The following STX8 variants were observed in gnomAD, a reference collection of about 807,000 sequenced individuals.
STX8 encodes syntaxin 8, also known as syntaxin-8.
Under a neutral mutation model 37.5 loss-of-function variants are expected in STX8, and 23 were observed. That is an observed-to-expected ratio of 0.61 (90% confidence interval 0.44 to 0.87). STX8 has a LOEUF of 0.87. Among genes scored for constraint, STX8 ranks in the 40% least tolerant of loss-of-function variants. The probability of loss-of-function intolerance (pLI) is 0.00; values close to 1 mark genes in which losing one functional copy is unlikely to be tolerated. For synonymous variants in STX8, 115 were observed against 99.1 expected (o/e 1.16, Z -0.95); for missense variants, 313 against 284.7 (o/e 1.10, Z -0.71).
intron 6 of STX8, among the ~76,000 whole-genome samples, chr17:9,395,834 C>G (rs1912381470): frequency 6.6e-6 from 1 of 152,110 alleles, no homozygotes; most frequent in African/African-American, 2.4e-5. Context: ...ATTGTATAGC[C>G]AGACACAATT....
intron 7 of STX8, among the ~76,000 whole-genome samples, chr17:9,250,853 C>A (rs928227020): frequency 2.0e-5 from 3 of 151,758 alleles, no homozygotes; most frequent in African/African-American, 7.3e-5. Context: ...AAGGCAGGGG[C>A]CTGGGTGTGG....
At chr17:9,306,595 C>CAAA (rs71135963) in intron 7 of STX8, among the ~76,000 whole-genome samples, 7 of 69,890 alleles carry the variant, frequency 1.0e-4, no homozygotes, top group African/African-American at 1.4e-4. Flanking sequence ...ACTAAAAATA[C>CAAA]AAAAAAAAAA....
At chr17:9,475,820 C>T (rs1422245176) in intron 6 of STX8, among the ~76,000 whole-genome samples, 1 of 152,174 alleles carries the variant, frequency 6.6e-6, no homozygotes, top group Non-Finnish European at 1.5e-5. Flanking sequence ...CATATCTTGC[C>T]CATTTACACA....
chr17:9,564,500 C>T (rs889570443), intron 2 of STX8, among the ~76,000 whole-genome samples: 19 of 152,174 alleles, frequency 1.2e-4, no homozygotes, highest in Non-Finnish European at 1.8e-4. Context: ...TTATAAACAA[C>T]TTCAGCAAAG....
At chr17:9,466,780 A>G (rs1301023443) in intron 6 of STX8, among the ~76,000 whole-genome samples, 1 of 152,154 alleles carries the variant, frequency 6.6e-6, no homozygotes, top group Non-Finnish European at 1.5e-5. Flanking sequence ...GGGAATCTCA[A>G]TTCAACCAAC....
At chr17:9,375,627 T>C (rs757518779) in intron 7 of STX8, among the ~76,000 whole-genome samples, 1 of 152,192 alleles carries the variant, frequency 6.6e-6, no homozygotes, top group Non-Finnish European at 1.5e-5. Flanking sequence ...CCGCACACAA[T>C]GTACCAAAGA....
chr17:9,334,428 A>G (rs1964310), intron 7 of STX8, among the ~76,000 whole-genome samples: 9,354 of 152,202 alleles, frequency 0.061, 353 homozygotes, highest in Middle Eastern at 0.11. Flanking sequence ...CTATAAACTA[A>G]GTTTCTCCCA....
intron 7 of STX8, among the ~76,000 whole-genome samples, chr17:9,317,918 A>G (rs111960081): frequency 0.081 from 12,295 of 152,056 alleles, 1,587 homozygotes; most frequent in African/African-American, 0.27. Context: ...TGGGGCAGGG[A>G]GTTTCCCCAG....
chr17:9,482,750 C>A (rs988545614), intron 6 of STX8, among the ~76,000 whole-genome samples: 1 of 152,060 alleles, frequency 6.6e-6, no homozygotes, highest in Non-Finnish European at 1.5e-5. Flanking sequence ...CCCGTCTCTA[C>A]TAAAAATACA....
intron 6 of STX8, among the ~76,000 whole-genome samples, chr17:9,394,200 G>T (rs1912320889): frequency 6.6e-6 from 1 of 152,074 alleles, no homozygotes; most frequent in South Asian, 2.1e-4. Flanking sequence ...TACTGGATGG[G>T]CTACTGGGCA....
At chr17:9,322,743 C>G (rs933189495) in intron 7 of STX8, among the ~76,000 whole-genome samples, 7 of 142,728 alleles carry the variant, frequency 4.9e-5, no homozygotes, top group Admixed American at 7.6e-5. Flanking sequence ...GCAGGGATGG[C>G]TAATGATGGG....
intron 1 of STX8, among the ~76,000 whole-genome samples, chr17:9,573,015 A>C (rs904312694): frequency 7.9e-5 from 12 of 152,066 alleles, no homozygotes; most frequent in Non-Finnish European, 1.8e-4. Context: ...TAGGTTCCAG[A>C]AGGTGGAGGG....
At chr17:9,559,758 A>ATTTTTTTTTTTTTTTT (rs1159388418) in intron 2 of STX8, among the ~76,000 whole-genome samples, 1 of 28,368 alleles carries the variant, frequency 3.5e-5, no homozygotes, top group African/African-American at 1.4e-4. Flanking sequence ...ATATATATAT[A>ATTTTTTTTTTTTTTTT]TATTTTTTTT....
At chr17:9,316,974 G>A (rs929092047) in intron 7 of STX8, among the ~76,000 whole-genome samples, 1 of 152,200 alleles carries the variant, frequency 6.6e-6, no homozygotes, top group Non-Finnish European at 1.5e-5. Flanking sequence ...CGGGTGAGGA[G>A]AGTGGAATAG....
chr17:9,526,610 G>A (rs997289679), intron 4 of STX8, among the ~76,000 whole-genome samples: 6 of 152,176 alleles, frequency 3.9e-5, no homozygotes, highest in Admixed American at 1.3e-4. Context: ...ACAGGCTCAC[G>A]CCTGTAATCC....
intron 7 of STX8, among the ~76,000 whole-genome samples, chr17:9,330,405 A>T (rs1909921919): frequency 6.6e-6 from 1 of 152,100 alleles, no homozygotes; most frequent in Admixed American, 6.5e-5. Context: ...TTGTGCCTGG[A>T]GCCAGGCTCT....
intron 6 of STX8, among the ~76,000 whole-genome samples, chr17:9,478,293 A>AC (rs1226402427): frequency 6.6e-6 from 1 of 152,000 alleles, no homozygotes; most frequent in Non-Finnish European, 1.5e-5. Flanking sequence ...GCACCATCAC[A>AC]CCCAGCTAAT....
At chr17:9,573,080 A>ACCCCC (rs71135994) in intron 1 of STX8, among the ~76,000 whole-genome samples, 4 of 101,576 alleles carry the variant, frequency 3.9e-5, no homozygotes, top group African/African-American at 7.5e-5. Context: ...CACCCCCAAC[A>ACCCCC]CCCCCCCCCA....
At chr17:9,287,775 T>C (rs1653701214) in intron 7 of STX8, among the ~76,000 whole-genome samples, 1 of 151,822 alleles carries the variant, frequency 6.6e-6, no homozygotes, top group Non-Finnish European at 1.5e-5. Flanking sequence ...TGTTTTGAGA[T>C]GGAGGCTCAC....
Sources: allele counts gnomAD v4.1 joint callset (sites outside exome capture counted in the v4.1 genomes callset), GRCh38; gene constraint gnomAD v4.1.1; transcripts MANE v1.5; gene names NCBI Gene and HGNC (gene_info 2026-07-23, HGNC 2026-07-21).